DGKI: variants seen among roughly 807,000 people sequenced by gnomAD.
The protein encoded by DGKI is DAG kinase iota.
A neutral mutation model predicts 147.5 loss-of-function variants in DGKI; 55 were observed. The observed-to-expected ratio is 0.37, with a 90% CI of 0.30 to 0.47. The LOEUF is 0.47. Among genes scored for constraint, DGKI ranks in the 20% least tolerant of loss-of-function variants. DGKI has a pLI of 1.00. For synonymous variants in DGKI, 469 were observed against 477.1 expected (o/e 0.98, Z 0.22); for missense variants, 1,007 against 1,323.8 (o/e 0.76, Z 3.71).
chr7:137,753,092 T>C (rs1013852625), intron 1 of DGKI, among the ~76,000 whole-genome samples: 1 of 151,988 alleles, frequency 6.6e-6, no homozygotes, highest in Non-Finnish European at 1.5e-5. Flanking sequence ...CACTTGGAAG[T>C]TGGCTATTCT....
intron 20 of DGKI, among the ~76,000 whole-genome samples, chr7:137,549,334 G>C (rs1486687001): frequency 6.6e-6 from 1 of 152,160 alleles, no homozygotes; most frequent in Admixed American, 6.5e-5. Context: ...CCAGAGAAAG[G>C]GCAGAACCAC....
intron 1 of DGKI, among the ~76,000 whole-genome samples, chr7:137,711,168 T>C (rs1383512336): frequency 2.6e-5 from 4 of 152,122 alleles, no homozygotes; most frequent in Non-Finnish European, 4.4e-5. Context: ...GAGGACAACA[T>C]GGTTCATCAC....
At chr7:137,678,695 G>C (rs752946471) in intron 2 of DGKI, 43 bp from the exon 3 acceptor site, 61 of 1,551,114 alleles carry the variant, frequency 3.9e-5, no homozygotes, top group Non-Finnish European at 5.3e-5. Context: ...TTTTTTTCCA[G>C]GGATAAGGAA....
At chr7:137,626,356 C>T (rs1035212646) in intron 6 of DGKI, among the ~76,000 whole-genome samples, 1 of 149,736 alleles carries the variant, frequency 6.7e-6, no homozygotes, top group Non-Finnish European at 1.5e-5. Flanking sequence ...CACACACACA[C>T]ACACACACGG....
intron 21 of DGKI, among the ~76,000 whole-genome samples, chr7:137,496,018 C>T (rs1815952662): frequency 6.6e-6 from 1 of 151,902 alleles, no homozygotes; most frequent in Admixed American, 6.6e-5. Context: ...GGAAATCAAA[C>T]TATCTGTTTG....
chr7:137,448,446 T>C (rs1290223016), intron 27 of DGKI, among the ~76,000 whole-genome samples: 3 of 128,428 alleles, frequency 2.3e-5, no homozygotes, highest in South Asian at 2.4e-4. Context: ...ATAAAGCAGA[T>C]AAAAATGATT....
chr7:137,606,588 A>G (rs1206542442), intron 10 of DGKI, among the ~76,000 whole-genome samples: 1 of 152,232 alleles, frequency 6.6e-6, no homozygotes, highest in Non-Finnish European at 1.5e-5. Context: ...GCATTTTAGC[A>G]CAATTCCCAT....
At position 137,560,543 on chromosome 7, in the gene DGKI, T is replaced by A. The variant is rs560287658; in HGVS notation, c.1948-7975A>T. 2.6e-4 allele frequency among the ~76,000 whole-genome samples: 40 copies of A among 151,904 alleles called. No homozygotes were observed. In the South Asian group the frequency reaches 8.1e-3, roughly 31 times the overall value. Reference sequence around the variant, plus strand: ...ACAACCACCAAAAATGATGCCCATGTTCTAACTCCCAGGAACCACACAAAC... The same window carrying A: ...ACAACCACCAAAAATGATGCCCATGATCTAACTCCCAGGAACCACACAAAC... On this transcript the variant is annotated intron_variant, in intron 19 of 32. Transcript: ENST00000614521.
intron 1 of DGKI, among the ~76,000 whole-genome samples, chr7:137,766,642 C>T (rs1378238604): frequency 6.6e-6 from 1 of 152,154 alleles, no homozygotes; most frequent in East Asian, 1.9e-4. Flanking sequence ...CCCTCCTTCC[C>T]ACTCAGCACA....
chr7:137,574,612 T>C (rs892658119), intron 17 of DGKI, among the ~76,000 whole-genome samples: 2 of 152,230 alleles, frequency 1.3e-5, no homozygotes, highest in Non-Finnish European at 2.9e-5. Context: ...CCTTACACTG[T>C]ATACTGCTTT....
chr7:137,522,166 A>G (rs1563066718), intron 20 of DGKI, among the ~76,000 whole-genome samples, 200 bp from the exon 21 acceptor site: 1 of 152,076 alleles, frequency 6.6e-6, no homozygotes, highest in Non-Finnish European at 1.5e-5. Flanking sequence ...TCTGGAATTT[A>G]CATAAGAATA....
chr7:137,504,193 T>G (rs928981491), intron 21 of DGKI, among the ~76,000 whole-genome samples: 1 of 152,298 alleles, frequency 6.6e-6, no homozygotes. Context: ...CAAGGTACCA[T>G]GATGTGTTCA....
chr7:137,607,823 T>C (rs1820233372), intron 10 of DGKI, among the ~76,000 whole-genome samples: 1 of 152,194 alleles, frequency 6.6e-6, no homozygotes, highest in African/African-American at 2.4e-5. Flanking sequence ...CATTACTCCA[T>C]AAAGATCTCT....
At chr7:137,725,155 TC>T (rs1794683942) in intron 1 of DGKI, among the ~76,000 whole-genome samples, 1 of 152,092 alleles carries the variant, frequency 6.6e-6, no homozygotes, top group Non-Finnish European at 1.5e-5. Context: ...TTAATACCAC[TC>T]CCTCCCAAAG....
rs544075732 is a variant in DGKI, at chr7:137,758,936, A to G, written c.402-68934T>C. Among the ~76,000 whole-genome samples the G allele has an allele frequency of 6.6e-5, 10 of 152,260 alleles. No individual in the cohort carries two copies. In the South Asian group the frequency reaches 2.1e-3, roughly 32 times the overall value. On this transcript the variant is annotated intron_variant, in intron 1 of 32. Coordinates refer to ENST00000614521, the MANE Select transcript of DGKI (RefSeq NM_001321708.2). ...AGGAACAACTATATTCACAGATGTT[A>G]AAAGTATGTATATTCTTCTTAAATT...
Position 137,463,561 on chromosome 7 carries a change from C to T in DGKI, c.2663G>A (p.Ser888Asn). ...ATAGGGAGCTATCATCCCCAGCCCA[C>T]TGTCACTCAGCATGCGTTTCCGCAG... ...PALRKRMLSD[S>N]GLGMIAPYYE... is the part of the protein sequence containing the mutation. The change falls in exon 27 of 33, where the codon AGT (serine) becomes AAT (asparagine). Residue 888 changes from serine (S) to asparagine (N), a missense_variant. By Grantham distance (46) the Ser-to-Asn change is conservative (BLOSUM62 1). Around this residue, in one of 5 missense-constraint regions of DGKI, gnomAD observed 385 missense variants for 445.2 expected, o/e 0.86. Transcript: ENST00000614521. The T allele has an allele frequency of 6.2e-7, 1 of 1,614,226 alleles. No individual in the cohort carries two copies. Among genetic ancestry groups the T allele is most frequent in the Non-Finnish European group, 8.5e-7 (1 of 1,180,036 alleles).
chr7:137,421,586 C>A (rs913736833), intron 28 of DGKI, among the ~76,000 whole-genome samples: 1 of 152,194 alleles, frequency 6.6e-6, no homozygotes, highest in South Asian at 2.1e-4. Flanking sequence ...CGTTCCACTT[C>A]TTTTATTCAC....
intron 23 of DGKI, among the ~76,000 whole-genome samples, chr7:137,477,414 G>A (rs764773330): frequency 7.2e-5 from 11 of 152,168 alleles, no homozygotes; most frequent in African/African-American, 2.4e-4. Context: ...TATTTTTGAA[G>A]TACCATAAAG....
chr7:137,508,397 T>C (rs1020100971), intron 21 of DGKI, among the ~76,000 whole-genome samples: 8 of 151,908 alleles, frequency 5.3e-5, no homozygotes, highest in Non-Finnish European at 1.0e-4. Context: ...CAGCTAATTT[T>C]TTGTATTTTT....
Sources: gnomAD v4.1 joint callset for allele counts (sites outside exome capture counted in the v4.1 genomes callset) on GRCh38, gnomAD v4.1.1 for gene constraint, gnomAD v4.1.1 regional missense constraint, MANE v1.5 for transcripts, NCBI Gene and HGNC (gene_info 2026-07-23, HGNC 2026-07-21) for gene names.